Variants in NALF1 observed in about 807,000 individuals in gnomAD.
NALF1 encodes the protein NALCN channel auxiliary factor 1.
A neutral mutation model predicts 48.4 loss-of-function variants in NALF1; 3 were observed. The observed-to-expected ratio is 0.06, with a 90% CI of 0.03 to 0.16. NALF1 has a LOEUF of 0.16. Ranked by LOEUF, NALF1 falls within the 10% of genes least tolerant of loss-of-function variation. NALF1 has a pLI of 1.00. For synonymous variants in NALF1, 262 were observed against 245.7 expected (o/e 1.07, Z -0.62); for missense variants, 526 against 571.5 (o/e 0.92, Z 0.81).
intron 1 of NALF1, among the ~76,000 whole-genome samples, chr13:107,455,377 G>C (rs1359358308): frequency 6.6e-6 from 1 of 151,770 alleles, no homozygotes; most frequent in Non-Finnish European, 1.5e-5. Context: ...AAAAAAAATA[G>C]TTTCAGAGCA....
intron 1 of NALF1, among the ~76,000 whole-genome samples, chr13:107,619,803 G>T (rs934447364): frequency 3.2e-4 from 49 of 152,050 alleles, no homozygotes; most frequent in African/African-American, 1.1e-3. Context: ...TTCTTGGTGT[G>T]TACAATTTAG....
chr13:107,685,816 T>C (rs1048311519), intron 1 of NALF1, among the ~76,000 whole-genome samples: 1 of 152,244 alleles, frequency 6.6e-6, no homozygotes, highest in Admixed American at 6.5e-5. Flanking sequence ...TAAATTCCCC[T>C]GTGGATTCAT....
intron 1 of NALF1, among the ~76,000 whole-genome samples, chr13:107,862,881 C>T (rs1394085713): frequency 6.6e-6 from 1 of 151,726 alleles, no homozygotes; most frequent in Non-Finnish European, 1.5e-5. Context: ...TTCATCCTAA[C>T]TCTAAAATTT....
At chr13:107,256,471 A>T (rs953065343) in intron 1 of NALF1, among the ~76,000 whole-genome samples, 1 of 152,240 alleles carries the variant, frequency 6.6e-6, no homozygotes, top group East Asian at 1.9e-4. Context: ...ACCACATTAA[A>T]TTAAAAAGTG....
chr13:107,490,267 CA>C (rs1259031493), intron 1 of NALF1, among the ~76,000 whole-genome samples: 3 of 152,100 alleles, frequency 2.0e-5, no homozygotes, highest in Non-Finnish European at 2.9e-5. Context: ...CAAAGACACA[CA>C]CTCGCATGTG....
chr13:107,431,710 T>C (rs1884384934), intron 1 of NALF1, among the ~76,000 whole-genome samples: 1 of 152,204 alleles, frequency 6.6e-6, no homozygotes, highest in African/African-American at 2.4e-5. Context: ...TAAGTCATTC[T>C]GGACTTGCTG....
At chr13:107,474,406 G>T (rs1392461917) in intron 1 of NALF1, among the ~76,000 whole-genome samples, 7 of 152,094 alleles carry the variant, frequency 4.6e-5, no homozygotes, top group Admixed American at 4.6e-4. Context: ...GGAATAAGCT[G>T]GATTTCTATG....
At chr13:107,677,115 TG>T (rs1308084187) in intron 1 of NALF1, among the ~76,000 whole-genome samples, 1 of 152,212 alleles carries the variant, frequency 6.6e-6, no homozygotes, top group Non-Finnish European at 1.5e-5. Context: ...GGTGCAATCT[TG>T]GCTTACTGCT....
intron 1 of NALF1, among the ~76,000 whole-genome samples, chr13:107,260,428 T>G (rs1182649472): frequency 2.0e-5 from 3 of 152,208 alleles, no homozygotes; most frequent in Non-Finnish European, 4.4e-5. Context: ...GTAAGATTAT[T>G]TGATATGGGC....
chr13:107,277,330 A>G (rs1298969962), intron 1 of NALF1, among the ~76,000 whole-genome samples: 1 of 152,190 alleles, frequency 6.6e-6, no homozygotes, highest in African/African-American at 2.4e-5. Flanking sequence ...TACAATTTTA[A>G]GAGTTAGAGA....
chr13:107,435,257 A>T (rs1863479322), intron 1 of NALF1, among the ~76,000 whole-genome samples: 1 of 152,058 alleles, frequency 6.6e-6, no homozygotes, highest in Non-Finnish European at 1.5e-5. Context: ...GATGTTCCAT[A>T]GGTTCTAAAA....
At chr13:107,178,786 A>G (rs1465347674) in intron 2 of NALF1, among the ~76,000 whole-genome samples, 1 of 142,684 alleles carries the variant, frequency 7.0e-6, no homozygotes, top group African/African-American at 2.7e-5. Context: ...TACTAAAAAT[A>G]CAAAAAAAAT....
At chr13:107,811,414 A>C (rs1050075394) in intron 1 of NALF1, among the ~76,000 whole-genome samples, 2 of 152,090 alleles carry the variant, frequency 1.3e-5, no homozygotes, top group Non-Finnish European at 2.9e-5. Flanking sequence ...GTGCCTTTTA[A>C]TCTCCAATGT....
At chr13:107,762,238 G>GA (rs5806687) in intron 1 of NALF1, among the ~76,000 whole-genome samples, 1 of 143,974 alleles carries the variant, frequency 6.9e-6, no homozygotes, top group African/African-American at 2.6e-5. Context: ...CATTCTATCA[G>GA]AAAAAAAAAA....
At chr13:107,736,707 G>C (rs567782884) in intron 1 of NALF1, among the ~76,000 whole-genome samples, 62 of 152,260 alleles carry the variant, frequency 4.1e-4, no homozygotes, top group African/African-American at 1.4e-3. Context: ...ATTTAAGCTA[G>C]TGCTTTTAGT....
chr13:107,222,901 G>A (rs1436141009), intron 1 of NALF1, among the ~76,000 whole-genome samples: 2 of 152,162 alleles, frequency 1.3e-5, no homozygotes, highest in Non-Finnish European at 2.9e-5. Context: ...AATCCAAATG[G>A]CCTTGGTCTT....
At chr13:107,456,961 A>AT (rs1884834433) in intron 1 of NALF1, among the ~76,000 whole-genome samples, 2 of 152,058 alleles carry the variant, frequency 1.3e-5, no homozygotes, top group Non-Finnish European at 2.9e-5. Context: ...CTTTAATTAA[A>AT]TTTTTTTATT....
rs544762959 is a variant in NALF1 at position 107,165,046 on chromosome 13, G to A, written c.*5451C>T. ...ACAAATACATCATTGACCTCCCTGT[G>A]TCACCTGGAGCCAAAGCTCATCCCT... is the stretch of plus-strand genomic sequence containing the variant. On this transcript the variant is annotated 3_prime_UTR_variant, in exon 3 of 3. Coordinates refer to ENST00000375915, the MANE Select transcript of NALF1 (RefSeq NM_001080396.3). The A allele has an allele frequency of 1.3e-5, 2 of 152,278 alleles. No homozygotes were observed. Among genetic ancestry groups the A allele is most frequent in the Non-Finnish European group, 2.9e-5 (2 of 68,034 alleles). The allele number at this position is 152,278 out of a possible 1,614,324, so 9.4% of individuals were successfully genotyped here. A position where few individuals can be genotyped will look rare whatever the true frequency, so the allele number is the denominator to read the frequency against.
At chr13:107,639,281 T>C (rs1350748430) in intron 1 of NALF1, among the ~76,000 whole-genome samples, 1 of 152,100 alleles carries the variant, frequency 6.6e-6, no homozygotes, top group African/African-American at 2.4e-5. Flanking sequence ...CAGCCTGAAA[T>C]ACAAGACCCT....
Sources: gnomAD v4.1 joint callset for allele counts (sites outside exome capture counted in the v4.1 genomes callset) on GRCh38, gnomAD v4.1.1 for gene constraint, MANE v1.5 for transcripts, NCBI Gene and HGNC (gene_info 2026-07-23, HGNC 2026-07-21) for gene names.